The following BICC1 variants were observed in gnomAD, a reference collection of about 807,000 sequenced individuals.
BICC1 encodes protein bicaudal C homolog 1.
BICC1 carries 43 observed loss-of-function variants against 111.0 expected under a neutral mutation model. The ratio of observed to expected loss-of-function variants is 0.39; its 90% CI spans 0.30 to 0.50. BICC1 has a LOEUF of 0.50. Among genes scored for constraint, BICC1 ranks in the 20% least tolerant of loss-of-function variants. The probability of loss-of-function intolerance (pLI) is 0.88; values close to 1 mark genes in which losing one functional copy is unlikely to be tolerated. For missense variants in BICC1, 1,091 were observed against 1,203.2 expected (o/e 0.91, Z 1.38); for synonymous variants, 467 against 434.4 (o/e 1.07, Z -0.93).
At chr10:58,688,701 T>TAA (rs1417842378) in intron 2 of BICC1, among the ~76,000 whole-genome samples, 2 of 152,060 alleles carry the variant, frequency 1.3e-5, no homozygotes, top group Non-Finnish European at 2.9e-5. Flanking sequence ...TATGCAGCCA[T>TAA]AAAAAATAAT....
At chr10:58,688,493 A>C (rs1393896774) in intron 2 of BICC1, among the ~76,000 whole-genome samples, 1 of 152,156 alleles carries the variant, frequency 6.6e-6, no homozygotes, top group Non-Finnish European at 1.5e-5. Flanking sequence ...CCAGAAGCCC[A>C]GCCGGCTTCA....
At chr10:58,519,995 C>T (rs573712747) in intron 1 of BICC1, among the ~76,000 whole-genome samples, 2 of 152,290 alleles carry the variant, frequency 1.3e-5, no homozygotes, top group African/African-American at 4.8e-5. Flanking sequence ...TAGTTCATGC[C>T]TCGCCCTTTT....
intron 1 of BICC1, among the ~76,000 whole-genome samples, chr10:58,545,770 C>T (rs985011762): frequency 6.6e-6 from 1 of 152,126 alleles, no homozygotes; most frequent in Non-Finnish European, 1.5e-5. Context: ...GGCCCTGTCC[C>T]TTTACGTTTC....
intron 1 of BICC1, among the ~76,000 whole-genome samples, chr10:58,552,534 A>G (rs1310542018): frequency 6.6e-6 from 1 of 151,944 alleles, no homozygotes; most frequent in African/African-American, 2.4e-5. Flanking sequence ...ATGGGGTTTC[A>G]CCGTGTTAGC....
chr10:58,710,005 T>G (rs1840523860), intron 3 of BICC1, among the ~76,000 whole-genome samples: 1 of 152,180 alleles, frequency 6.6e-6, no homozygotes, highest in African/African-American at 2.4e-5. Context: ...TAATTAGTAT[T>G]TATTTACATA....
chr10:58,524,338 A>G (rs1399886046), intron 1 of BICC1, among the ~76,000 whole-genome samples: 4 of 152,060 alleles, frequency 2.6e-5, no homozygotes, highest in Non-Finnish European at 4.4e-5. Context: ...CATGGTACTG[A>G]TACCAAAACA....
At chr10:58,581,487 G>A (rs1844278631) in intron 1 of BICC1, among the ~76,000 whole-genome samples, 1 of 152,080 alleles carries the variant, frequency 6.6e-6, no homozygotes, top group African/African-American at 2.4e-5. Context: ...AAAAATCAAG[G>A]CACAACAAAC....
At chr10:58,614,205 C>T (rs1845527560) in intron 1 of BICC1, among the ~76,000 whole-genome samples, 4 of 152,006 alleles carry the variant, frequency 2.6e-5, no homozygotes, top group Admixed American at 2.6e-4. Flanking sequence ...GCTCTCATGG[C>T]CTTTGTTAGC....
At chr10:58,738,565 A>G (rs1436403283) in intron 3 of BICC1, among the ~76,000 whole-genome samples, 2 of 151,992 alleles carry the variant, frequency 1.3e-5, no homozygotes, top group East Asian at 1.9e-4. Context: ...TGACTTGGCA[A>G]TGCAGGCTCT....
chr10:58,670,084 T>A (rs1382751528), intron 2 of BICC1, among the ~76,000 whole-genome samples: 3 of 152,190 alleles, frequency 2.0e-5, no homozygotes, highest in Admixed American at 1.3e-4. Context: ...AAAGTTGAGA[T>A]AATTTTGCAT....
intron 1 of BICC1, among the ~76,000 whole-genome samples, chr10:58,514,934 A>G (rs1356620610): frequency 6.6e-6 from 1 of 152,210 alleles, no homozygotes; most frequent in Non-Finnish European, 1.5e-5. Flanking sequence ...ATCCTTTTCA[A>G]CCAGCTTTCA....
At chr10:58,577,394 G>C (rs1844144330) in intron 1 of BICC1, among the ~76,000 whole-genome samples, 1 of 152,162 alleles carries the variant, frequency 6.6e-6, no homozygotes, top group African/African-American at 2.4e-5. Flanking sequence ...AAGATAGGGA[G>C]TCGAGACTGA....
At chr10:58,769,404 G>GTGTGTGTGTGTATA (rs1050060686) in intron 3 of BICC1, among the ~76,000 whole-genome samples, 32 of 109,760 alleles carry the variant, frequency 2.9e-4, no homozygotes, top group African/African-American at 9.6e-4. Context: ...GTGTGTGTGT[G>GTGTGTGTGTGTATA]TATATATATA....
chr10:58,702,961 C>T (rs1343804586), intron 3 of BICC1, among the ~76,000 whole-genome samples: 1 of 152,076 alleles, frequency 6.6e-6, no homozygotes, highest in Admixed American at 6.5e-5. Flanking sequence ...TTTGCTGCCC[C>T]TTCTCCCCAT....
intron 1 of BICC1, among the ~76,000 whole-genome samples, chr10:58,598,929 A>G (rs1453712086): frequency 6.6e-6 from 1 of 152,208 alleles, no homozygotes; most frequent in African/African-American, 2.4e-5. Context: ...TCATTAGAGA[A>G]ATGCAAATCA....
rs1838370369 is a variant in BICC1, at chr10:58,649,367, A to C, written c.237+28466A>C. On this transcript the variant is annotated intron_variant, in intron 2 of 20. Coordinates refer to ENST00000373886, the MANE Select transcript of BICC1 (RefSeq NM_001080512.3). ...AAGTCAAGTAGGTATCACTGAATGA[A>C]GCTGGGCTTGTGCTCTCTCTCTGAT... 3.3e-5 allele frequency among the ~76,000 whole-genome samples: 5 copies of C among 152,186 alleles called. No individual in the cohort carries two copies. In the South Asian group the frequency reaches 1.0e-3, roughly 32 times the overall value.
At chr10:58,761,218 A>G (rs1444512029) in intron 3 of BICC1, among the ~76,000 whole-genome samples, 1 of 152,196 alleles carries the variant, frequency 6.6e-6, no homozygotes, top group Non-Finnish European at 1.5e-5. Context: ...TGATGCTAAG[A>G]TACAGATGAA....
intron 3 of BICC1, among the ~76,000 whole-genome samples, chr10:58,783,018 C>T (rs191884671): frequency 9.9e-5 from 15 of 152,276 alleles, no homozygotes; most frequent in Non-Finnish European, 1.3e-4. Flanking sequence ...GTCAGACGCC[C>T]CTTGTGCCTT....
intron 2 of BICC1, among the ~76,000 whole-genome samples, chr10:58,693,807 A>T (rs897704614): frequency 1.3e-5 from 2 of 152,116 alleles, no homozygotes; most frequent in African/African-American, 4.8e-5. Flanking sequence ...CCCATTCTGT[A>T]GGTTGCCTGT....
Sources: allele counts gnomAD v4.1 joint callset (sites outside exome capture counted in the v4.1 genomes callset), GRCh38; gene constraint gnomAD v4.1.1; transcripts MANE v1.5; gene names NCBI Gene and HGNC (gene_info 2026-07-23, HGNC 2026-07-21).